Variants in OR4X2 observed in about 807,000 individuals in gnomAD.
The protein encoded by OR4X2 is olfactory receptor 4X2.
For synonymous variants in OR4X2, 205 were observed against 136.6 expected, an observed-to-expected ratio of 1.50 and a Z score of -3.49; for missense variants, 554 against 359.5, an observed-to-expected ratio of 1.54 and a Z score of -4.38.
Position 48,245,830 on chromosome 11 carries a change from T to G in OR4X2, c.727T>G (p.Phe243Val). 2 of 1,614,112 alleles carry G rather than the reference T, an allele frequency of 1.2e-6. No homozygotes were observed. The highest frequency in any genetic ancestry group is 1.7e-6 in the Non-Finnish European group (2 of 1,180,022). ...CCATTTCGCTGTGGTTATCTTGTTCTTTGGGCCCTGCGTCTTCAACTCTCT... is the reference window on the plus strand; with the variant it reads ...CCATTTCGCTGTGGTTATCTTGTTCGTTGGGCCCTGCGTCTTCAACTCTCT... Reference protein sequence around the residue: ...GSHFAVVILFFGPCVFNSLRP... With the variant: ...GSHFAVVILFVGPCVFNSLRP... The change falls in exon 1 of 1, where the codon TTT (phenylalanine) becomes GTT (valine). Residue 243 changes from phenylalanine to valine, a missense_variant. By Grantham distance (50) the Phe-to-Val change is conservative. Coordinates refer to ENST00000624868, the MANE Select transcript of OR4X2 (RefSeq NM_001004727.1).
rs1347038201 is a variant in OR4X2, at chr11:48,245,859, G to A, written c.756G>A (p.Arg252=). ...FFGPCVFNSL[R]PSTTLPIDKM... ...GGCCCTGCGTCTTCAACTCTCTGAG[G>A]CCTTCTACCACTCTGCCCATAGACA... is the stretch of plus-strand genomic sequence containing the variant. The change falls in exon 1 of 1, where the codon AGG becomes AGA. Residue 252 remains arginine (R), a synonymous_variant. Coordinates refer to ENST00000624868, the MANE Select transcript of OR4X2 (RefSeq NM_001004727.1). 7 of 1,613,912 alleles carry A rather than the reference G, an allele frequency of 4.3e-6. No homozygotes were observed. Among genetic ancestry groups the A allele is most frequent in the African/African-American group, 1.3e-5 (1 of 74,898 alleles).
chr11:48,245,589 C>A lies in OR4X2; in HGVS notation c.486C>A (p.Gly162=). Residue 162 remains glycine, a synonymous_variant, in exon 1 of 1, where the codon GGC becomes GGA. Coordinates refer to ENST00000624868, the MANE Select transcript of OR4X2 (RefSeq NM_001004727.1). ...ILLIFHLLFC[G]PNVINHYFCD... ...TCATCTTCCACCTGCTCTTCTGTGG[C>A]CCCAATGTGATCAATCACTATTTCT... 1 of 1,614,110 alleles carries A rather than the reference C, an allele frequency of 6.2e-7. No individual in the cohort carries two copies. The highest frequency in any genetic ancestry group is 1.3e-5 in the African/African-American group (1 of 75,016).
In OR4X2 at chr11:48,245,993, C is replaced by T; in HGVS notation, c.890C>T (p.Thr297Ile). Residue 297 changes from threonine (T) to isoleucine (I), a missense_variant, in exon 1 of 1, where the codon ACA (threonine) becomes ATA (isoleucine). Coordinates refer to ENST00000624868, the MANE Select transcript of OR4X2 (RefSeq NM_001004727.1). ...GCCATGAAGAGGCTGTGGATTAGGA[C>T]ATTGAGACTAAATGAGAAATAGAGG... ...RKAMKRLWIR[T>I]LRLNEK 1 of 1,613,096 alleles carries T rather than the reference C, an allele frequency of 6.2e-7. No homozygotes were observed. Among genetic ancestry groups the T allele is most frequent in the Non-Finnish European group, 8.5e-7 (1 of 1,179,534 alleles).
rs1457438016 is a variant in OR4X2 at position 48,245,805 on chromosome 11, C to A, written c.702C>A (p.Ser234=). The part of the protein sequence containing the change: ...GWCKALSTCG[S]HFAVVILFFG... ...GCAAAGCCCTCTCCACCTGTGGGTC[C>A]CATTTCGCTGTGGTTATCTTGTTCT... is the stretch of plus-strand genomic sequence containing the variant. The change falls in exon 1 of 1, where the codon TCC becomes TCA. Residue 234 remains serine, a synonymous_variant. Transcript: ENST00000624868. 6.2e-7 allele frequency: 1 copy of A among 1,613,948 alleles called. No homozygotes were observed. The highest frequency in any genetic ancestry group is 1.7e-5 in the Admixed American group (1 of 59,970).
chr11:48,245,654 C>A lies in OR4X2; in HGVS notation c.551C>A (p.Thr184Asn), dbSNP rs774667645. Residue 184 changes from threonine to asparagine, a missense_variant, in exon 1 of 1, where the codon ACC becomes AAC. Transcript: ENST00000624868. The part of the protein sequence containing the change: ...VPLLKLACSD[T>N]FLIGLLIVAN... Reference sequence around the variant, plus strand: ...CTTCTCAAACTTGCCTGCTCTGACACCTTCCTCATTGGTCTGCTGATTGTT... The same window carrying A: ...CTTCTCAAACTTGCCTGCTCTGACAACTTCCTCATTGGTCTGCTGATTGTT... 1.2e-6 allele frequency: 2 copies of A among 1,614,174 alleles called. No homozygotes were observed. The highest frequency in any genetic ancestry group is 8.5e-7 in the Non-Finnish European group (1 of 1,180,026).
chr11:48,245,959 A>C lies in OR4X2; in HGVS notation c.856A>C (p.Met286Leu), dbSNP rs1442369548. 2 of 1,614,018 alleles carry C rather than the reference A, an allele frequency of 1.2e-6. No individual in the cohort carries two copies. The highest frequency in any genetic ancestry group is 1.7e-5 in the Admixed American group (1 of 60,010). The change falls in exon 1 of 1, where the codon ATG becomes CTG. Residue 286 changes from methionine (M) to leucine (L), a missense_variant. Transcript: ENST00000624868. ...PVIYSLRNAE[M>L]RKAMKRLWIR... Reference sequence around the variant, plus strand: ...CATCTACTCTCTGAGAAATGCTGAAATGAGGAAGGCCATGAAGAGGCTGTG... The same window carrying C: ...CATCTACTCTCTGAGAAATGCTGAACTGAGGAAGGCCATGAAGAGGCTGTG...
In OR4X2 at chr11:48,245,717, TC is replaced by T; in HGVS notation, c.616del (p.Leu206SerfsTer2). On this transcript the variant is annotated frameshift_variant, in exon 1 of 1. Transcript: ENST00000624868. LOFTEE classifies it low-confidence loss of function (END_TRUNC). The stretch of plus-strand genomic sequence containing the variant: ...ACCCTGTCTGTGATCAGTTTTGGGG[TC>T]CTCTTAGCATCCTATATGGTCATCT... ...GGTLSVISFGVLLASYMVILL... is the reference protein window; with the variant it reads ...GGTLSVISFGXLLASYMVILL... The T allele has an allele frequency of 6.2e-7, 1 of 1,614,114 alleles. No individual in the cohort carries two copies. Among genetic ancestry groups the T allele is most frequent in the Non-Finnish European group, 8.5e-7 (1 of 1,180,022 alleles).
In OR4X2 at chr11:48,245,802, G is replaced by T; in HGVS notation, c.699G>T (p.Gly233=). Residue 233 remains glycine (G), a synonymous_variant, in exon 1 of 1, where the codon GGG becomes GGT. Coordinates refer to ENST00000624868, the MANE Select transcript of OR4X2 (RefSeq NM_001004727.1). ...GGTGCAAAGCCCTCTCCACCTGTGGGTCCCATTTCGCTGTGGTTATCTTGT... is the reference window on the plus strand; with the variant it reads ...GGTGCAAAGCCCTCTCCACCTGTGGTTCCCATTTCGCTGTGGTTATCTTGT... ...EGWCKALSTC[G]SHFAVVILFF... is the part of the protein sequence containing the mutation. The T allele has an allele frequency of 1.2e-6, 2 of 1,614,048 alleles. No homozygotes were observed. Among genetic ancestry groups the T allele is most frequent in the Admixed American group, 1.7e-5 (1 of 59,980 alleles).
chr11:48,245,598 G>T lies in OR4X2; in HGVS notation c.495G>T (p.Val165=), dbSNP rs1447556365. The T allele has an allele frequency of 6.8e-6, 11 of 1,614,092 alleles. No individual in the cohort carries two copies. The highest frequency in any genetic ancestry group is 9.3e-6 in the Non-Finnish European group (11 of 1,180,028). ...IFHLLFCGPN[V]INHYFCDLVP... ...ACCTGCTCTTCTGTGGCCCCAATGT[G>T]ATCAATCACTATTTCTGTGACCTAG... The change falls in exon 1 of 1, where the codon GTG becomes GTT. Residue 165 remains valine, a synonymous_variant. Transcript: ENST00000624868.
At position 48,245,677 on chromosome 11, in the gene OR4X2, G is replaced by T; in HGVS notation, c.574G>T (p.Val192Phe). The T allele has an allele frequency of 6.2e-7, 1 of 1,614,096 alleles. No homozygotes were observed. The highest frequency in any genetic ancestry group is 8.5e-7 in the Non-Finnish European group (1 of 1,179,994). Reference sequence around the variant, plus strand: ...CACCTTCCTCATTGGTCTGCTGATTGTTGCCAATGGAGGCACCCTGTCTGT... The same window carrying T: ...CACCTTCCTCATTGGTCTGCTGATTTTTGCCAATGGAGGCACCCTGTCTGT... ...SDTFLIGLLI[V>F]ANGGTLSVIS... Residue 192 changes from valine to phenylalanine, a missense_variant, in exon 1 of 1, where the codon GTT becomes TTT. Coordinates refer to ENST00000624868, the MANE Select transcript of OR4X2 (RefSeq NM_001004727.1).
In OR4X2 at chr11:48,245,716, G is replaced by T. The variant is rs940848561; in HGVS notation, c.613G>T (p.Val205Phe). The part of the protein sequence containing the change: ...GGTLSVISFG[V>F]LLASYMVILL... ...CACCCTGTCTGTGATCAGTTTTGGG[G>T]TCCTCTTAGCATCCTATATGGTCAT... Residue 205 changes from valine (V) to phenylalanine (F), a missense_variant, in exon 1 of 1, where the codon GTC (valine) becomes TTC (phenylalanine). Transcript: ENST00000624868. The T allele has an allele frequency of 6.2e-7, 1 of 1,614,114 alleles. No homozygotes were observed.
In OR4X2 at chr11:48,245,297, A is replaced by C; in HGVS notation, c.194A>C (p.Tyr65Ser). ...TACCTCTCCTTCATGGAGATCTGCTACTCCTCCGCTACAGCCCCCAAACTC... is the reference window on the plus strand; with the variant it reads ...TACCTCTCCTTCATGGAGATCTGCTCCTCCTCCGCTACAGCCCCCAAACTC... ...LSYLSFMEIC[Y>S]SSATAPKLIS... The change falls in exon 1 of 1, where the codon TAC (tyrosine) becomes TCC (serine). Residue 65 changes from tyrosine (Y) to serine (S), a missense_variant. Physicochemically the swap from Tyr to Ser is moderately radical, Grantham distance 144 (BLOSUM62 -2). Coordinates refer to ENST00000624868, the MANE Select transcript of OR4X2 (RefSeq NM_001004727.1). The C allele has an allele frequency of 6.2e-7, 1 of 1,613,092 alleles. No individual in the cohort carries two copies. The highest frequency in any genetic ancestry group is 1.3e-5 in the African/African-American group (1 of 74,624).
Position 48,245,161 on chromosome 11 carries a change from T to C in OR4X2, c.58T>C (p.Phe20Leu). ...SPNQEVQRVC[F>L]VIFLFLYTAI... Reference sequence around the variant, plus strand: ...CAACCAGGAGGTGCAGAGGGTTTGCTTTGTGATATTTCTGTTCTTGTACAC... The same window carrying C: ...CAACCAGGAGGTGCAGAGGGTTTGCCTTGTGATATTTCTGTTCTTGTACAC... Residue 20 changes from phenylalanine (F) to leucine (L), a missense_variant, in exon 1 of 1, where the codon TTT (phenylalanine) becomes CTT (leucine). Transcript: ENST00000624868. The C allele has an allele frequency of 6.2e-7, 1 of 1,614,204 alleles. No homozygotes were observed. Among genetic ancestry groups the C allele is most frequent in the Non-Finnish European group, 8.5e-7 (1 of 1,180,022 alleles).
In OR4X2 at chr11:48,245,175, G is replaced by A. The variant is rs774372904; in HGVS notation, c.72G>A (p.Leu24=). 3.1e-6 allele frequency: 5 copies of A among 1,614,096 alleles called. No homozygotes were observed. The highest frequency in any genetic ancestry group is 2.2e-5 in the East Asian group (1 of 44,862). ...EVQRVCFVIF[L]FLYTAIVLGN... is the part of the protein sequence containing the mutation. The stretch of plus-strand genomic sequence containing the variant: ...AGAGGGTTTGCTTTGTGATATTTCT[G>A]TTCTTGTACACAGCAATTGTGCTGG... Residue 24 remains leucine, a synonymous_variant, in exon 1 of 1, where the codon CTG becomes CTA. Transcript: ENST00000624868.
rs140479664 is a variant in OR4X2 at position 48,245,162 on chromosome 11, T to G, written c.59T>G (p.Phe20Cys). The change falls in exon 1 of 1, where the codon TTT becomes TGT. Residue 20 changes from phenylalanine (F) to cysteine (C), a missense_variant. Phe to Cys is a radical substitution (Grantham distance 205). Coordinates refer to ENST00000624868, the MANE Select transcript of OR4X2 (RefSeq NM_001004727.1). ...AACCAGGAGGTGCAGAGGGTTTGCT[T>G]TGTGATATTTCTGTTCTTGTACACA... ...SPNQEVQRVC[F>C]VIFLFLYTAI... 1.2e-5 allele frequency: 19 copies of G among 1,614,018 alleles called. No individual in the cohort carries two copies. In the African/African-American group the frequency reaches 2.3e-4, roughly 19 times the overall value.
chr11:48,245,490 C>G lies in OR4X2; in HGVS notation c.387C>G (p.Asn129Lys), dbSNP rs781112733. The G allele has an allele frequency of 6.8e-6, 11 of 1,614,204 alleles. No individual in the cohort carries two copies. Among genetic ancestry groups the G allele is most frequent in the South Asian group, 1.1e-5 (1 of 91,076 alleles). The change falls in exon 1 of 1, where the codon AAC becomes AAG. Residue 129 changes from asparagine (N) to lysine (K), a missense_variant. Transcript: ENST00000624868. Reference protein sequence around the residue: ...CKPLSYTTIMNWQVCTVLVGI... With the variant: ...CKPLSYTTIMKWQVCTVLVGI... Reference sequence around the variant, plus strand: ...CCCTCAGCTACACCACCATCATGAACTGGCAGGTGTGTACTGTCCTTGTAG... The same window carrying G: ...CCCTCAGCTACACCACCATCATGAAGTGGCAGGTGTGTACTGTCCTTGTAG...
At position 48,245,733 on chromosome 11, in the gene OR4X2, T is replaced by G; in HGVS notation, c.630T>G (p.Tyr210Ter). 1.2e-6 allele frequency: 2 copies of G among 1,614,134 alleles called. No homozygotes were observed. Among genetic ancestry groups the G allele is most frequent in the Non-Finnish European group, 8.5e-7 (1 of 1,180,028 alleles). ...GTTTTGGGGTCCTCTTAGCATCCTA[T>G]ATGGTCATCTTGCTCCATCTGAGAA... ...VISFGVLLAS[Y>*]MVILLHLRTW... Residue 210 changes from tyrosine (Y) to a stop codon, truncating the protein, a stop_gained, in exon 1 of 1, where the codon TAT (tyrosine) becomes TAG (stop). Transcript: ENST00000624868. LOFTEE classifies it low-confidence loss of function (END_TRUNC).
rs1859048957 is a variant in OR4X2, at chr11:48,245,250, C to T, written c.147C>T (p.Ser49=). The T allele has an allele frequency of 1.2e-6, 2 of 1,614,132 alleles. No homozygotes were observed. Among genetic ancestry groups the T allele is most frequent in the South Asian group, 2.2e-5 (2 of 91,074 alleles). ...TCATGACCAGCAGAAGCCTTGGTTC[C>T]CCCATGTACTTCTTCCTCAGCTACC... ...LTVMTSRSLG[S]PMYFFLSYLS... The change falls in exon 1 of 1, where the codon TCC becomes TCT. Residue 49 remains serine (S), a synonymous_variant. Coordinates refer to ENST00000624868, the MANE Select transcript of OR4X2 (RefSeq NM_001004727.1).
In OR4X2 at chr11:48,245,524, T is replaced by C. The variant is rs370991703; in HGVS notation, c.421T>C (p.Trp141Arg). 12 of 1,614,148 alleles carry C rather than the reference T, an allele frequency of 7.4e-6. No homozygotes were observed. The African/African-American group carries it at 1.5e-4, about 20-fold the overall frequency. The change falls in exon 1 of 1, where the codon TGG becomes CGG. Residue 141 changes from tryptophan (W) to arginine (R), a missense_variant. Physicochemically the swap from Trp to Arg is moderately radical, Grantham distance 101. Transcript: ENST00000624868. ...GTGTACTGTCCTTGTAGGAATAGCA[T>C]GGGTGGGAGGCTTCATGCATTCCTT... ...QVCTVLVGIAWVGGFMHSFAQ... is the reference protein window; with the variant it reads ...QVCTVLVGIARVGGFMHSFAQ...
Sources: allele counts gnomAD v4.1 joint callset, GRCh38; gene constraint gnomAD v4.1.1; transcripts MANE v1.5; gene names NCBI Gene and HGNC (gene_info 2026-07-23, HGNC 2026-07-21).